The following INPP4A variants were observed in gnomAD, a reference collection of about 807,000 sequenced individuals.
The protein encoded by INPP4A is inositol polyphosphate-4-phosphatase, type I, 107kD.
INPP4A carries 33 observed loss-of-function variants against 119.8 expected under a neutral mutation model. That is an observed-to-expected ratio of 0.28 (90% CI 0.21 to 0.37). The LOEUF is 0.37. Among genes scored for constraint, INPP4A ranks in the 10% least tolerant of loss-of-function variants. The pLI is 1.00. For missense variants in INPP4A, 956 were observed against 1,289.9 expected, an observed-to-expected ratio of 0.74 and a Z score of 3.97; for synonymous variants, 496 against 500.7, an observed-to-expected ratio of 0.99 and a Z score of 0.12.
intron 1 of INPP4A, among the ~76,000 whole-genome samples, chr2:98,518,330 G>T (rs1008636875): frequency 1.3e-5 from 2 of 152,258 alleles, no homozygotes; most frequent in African/African-American, 4.8e-5. Context: ...TAGGAGCATA[G>T]CCTGTGAGAG....
chr2:98,468,228 C>T (rs1427413183), intron 1 of INPP4A, among the ~76,000 whole-genome samples: 1 of 151,984 alleles, frequency 6.6e-6, no homozygotes, highest in Admixed American at 6.6e-5. Context: ...GTAAAGAAAA[C>T]AATTTTATTG....
rs770048022 is a variant in INPP4A at position 98,554,500 on chromosome 2, TG to T, written c.1566+12del. The T allele has an allele frequency of 6.2e-7, 1 of 1,608,464 alleles. No individual in the cohort carries two copies. Among genetic ancestry groups the T allele is most frequent in the Non-Finnish European group, 8.5e-7 (1 of 1,176,662 alleles). ...CACGAGGAGGAGTGGGTGAGTCTGC[TG>T]CTGTGGCTGTCATCCCACTGCTGAA... On this transcript the variant is annotated intron_variant, in intron 15 of 24. Transcript: ENST00000409851. This position sits in a 1 kb window ranked among gnomAD's most constrained non-coding sequence, Gnocchi z 4.7.
In INPP4A at chr2:98,570,435, G is replaced by C. The variant is rs1384313767; in HGVS notation, c.2518+1767G>C. ...GGGCGCTGCCGGACACTGGATGTGT[G>C]GACAAGGAGCTGCTGGTGATCTCTC... is the stretch of plus-strand genomic sequence containing the variant. On this transcript the variant is annotated intron_variant, in intron 22 of 24. Transcript: ENST00000409851. This position sits in a 1 kb window ranked among gnomAD's most constrained non-coding sequence, Gnocchi z 4.3. Among the ~76,000 whole-genome samples the C allele has an allele frequency of 6.6e-6, 1 of 152,174 alleles. No individual in the cohort carries two copies. Among genetic ancestry groups the C allele is most frequent in the African/African-American group, 2.4e-5 (1 of 41,440 alleles).
At chr2:98,568,946 T>A in intron 22 of INPP4A, 1 of 352,926 alleles carries the variant, frequency 2.8e-6, no homozygotes, top group South Asian at 3.8e-5. Context: ...TTTGGTGGCA[T>A]GCATTGTGCA....
intron 1 of INPP4A, among the ~76,000 whole-genome samples, chr2:98,460,970 A>G (rs540273502): frequency 6.6e-6 from 1 of 152,272 alleles, no homozygotes; most frequent in Admixed American, 6.5e-5. Flanking sequence ...AAATGGTATT[A>G]ATTGTCTCAG....
chr2:98,541,022 C>G (rs1322103067), intron 10 of INPP4A, among the ~76,000 whole-genome samples: 1 of 152,148 alleles, frequency 6.6e-6, no homozygotes, highest in Non-Finnish European at 1.5e-5. Context: ...GAAAAAACAT[C>G]AAACTTAAAA....
intron 1 of INPP4A, among the ~76,000 whole-genome samples, chr2:98,484,483 G>T (rs1362413967): frequency 6.6e-6 from 1 of 152,138 alleles, no homozygotes; most frequent in African/African-American, 2.4e-5. Context: ...CCATGCACAG[G>T]GCCCTGAGAG....
intron 24 of INPP4A, 40 bp downstream of exon 24, chr2:98,577,183 G>T (rs1454339120): frequency 6.5e-7 from 1 of 1,536,488 alleles, no homozygotes; most frequent in Non-Finnish European, 8.8e-7. Flanking sequence ...GCCTGCCCCG[G>T]CCCGTGTAAA....
intron 13 of INPP4A, among the ~76,000 whole-genome samples, chr2:98,548,087 G>A (rs1268454105): frequency 6.6e-6 from 1 of 152,058 alleles, no homozygotes; most frequent in Non-Finnish European, 1.5e-5. Flanking sequence ...GGGGGTCAGG[G>A]AGGCAGCTAG....
chr2:98,478,408 T>C (rs1457166309), intron 1 of INPP4A, among the ~76,000 whole-genome samples: 1 of 152,198 alleles, frequency 6.6e-6, no homozygotes, highest in African/African-American at 2.4e-5. Context: ...TCTGCCGATC[T>C]GAGGTCCAGG....
intron 1 of INPP4A, among the ~76,000 whole-genome samples, chr2:98,501,214 G>GGCTGAGGCAGGAGAATC (rs751980683): frequency 2.0e-5 from 3 of 152,198 alleles, no homozygotes; most frequent in Non-Finnish European, 4.4e-5. Context: ...CTGCTCGGGA[G>GGCTGAGGCAGGAGAATC]GCTGAGGCAG....
intron 17 of INPP4A, 87 bp downstream of exon 17, chr2:98,559,582 C>A: frequency 7.3e-7 from 1 of 1,369,856 alleles, no homozygotes; most frequent in East Asian, 2.4e-5. Flanking sequence ...AAAAGATTGC[C>A]TTATGATCCC....
chr2:98,469,987 A>G (rs1675652605), intron 1 of INPP4A, among the ~76,000 whole-genome samples: 1 of 152,194 alleles, frequency 6.6e-6, no homozygotes, highest in African/African-American at 2.4e-5. Context: ...CTGTGCACCA[A>G]GGAGGGTTCC....
chr2:98,528,565 C>G (rs1335870525), intron 4 of INPP4A, among the ~76,000 whole-genome samples: 1 of 147,968 alleles, frequency 6.8e-6, no homozygotes. Context: ...GCCCAATGAA[C>G]TCCACATAGG....
chr2:98,529,945 A>C (rs1380860005), intron 4 of INPP4A, among the ~76,000 whole-genome samples: 1 of 152,162 alleles, frequency 6.6e-6, no homozygotes. Context: ...TAATGAAGAG[A>C]TATGACAGAT....
Position 98,534,936 on chromosome 2 carries a change from T to G in INPP4A, c.271-793T>G, listed in dbSNP as rs537211775. Among the ~76,000 whole-genome samples, 12 of 152,254 alleles carry G rather than the reference T, an allele frequency of 7.9e-5. No homozygotes were observed. The East Asian group carries it at 1.5e-3, about 20-fold the overall frequency. ...TGAATGCCCGGGCTTTTAGCCTGCT[T>G]GGAAAGGGAGTCAGAGGTGGCCTTA... On this transcript the variant is annotated intron_variant, in intron 5 of 24. Transcript: ENST00000409851.
intron 18 of INPP4A, 141 bp downstream of exon 18, chr2:98,563,778 A>G (rs2106332981): frequency 1.2e-6 from 1 of 813,602 alleles, no homozygotes; most frequent in African/African-American, 1.7e-5. Context: ...TTTAAAGGTT[A>G]TTTAATAGAG....
At chr2:98,528,991 T>C (rs918684696) in intron 4 of INPP4A, among the ~76,000 whole-genome samples, 1 of 150,950 alleles carries the variant, frequency 6.6e-6, no homozygotes, top group East Asian at 2.0e-4. Context: ...GGCAGGAGAA[T>C]TGGCGTGAAC....
rs76127867 is a variant in INPP4A, at chr2:98,511,792, A to T, written c.-165-7172A>T. ...GCTTCACAGCGGTTCACCAGGTCTG[A>T]TGCCATTGCCTGGGCTCCCCTCCCC... On this transcript the variant is annotated intron_variant, in intron 1 of 24. Transcript: ENST00000409851. Among the ~76,000 whole-genome samples the T allele has an allele frequency of 1.4e-4, 22 of 152,308 alleles. No homozygotes were observed. In the East Asian group the frequency reaches 4.3e-3, roughly 29 times the overall value.
Sources: allele counts gnomAD v4.1 joint callset (sites outside exome capture counted in the v4.1 genomes callset), GRCh38; gene constraint gnomAD v4.1.1; non-coding constraint Gnocchi (gnomAD v3.1); transcripts MANE v1.5; gene names NCBI Gene and HGNC (gene_info 2026-07-23, HGNC 2026-07-21).